ZMYND15: variants seen among roughly 807,000 people sequenced by gnomAD.
The protein encoded by ZMYND15 is zinc finger MYND domain-containing protein 15.
ZMYND15 carries 54 observed loss-of-function variants against 81.7 expected under a neutral mutation model. The ratio of observed to expected loss-of-function variants is 0.66; its 90% CI spans 0.53 to 0.83. The LOEUF is 0.83. ZMYND15 is among the 40% of genes least tolerant of loss of function. The pLI is 0.00. For missense variants in ZMYND15, 925 were observed against 973.5 expected (o/e 0.95, Z 0.66); for synonymous variants, 399 against 387.0 (o/e 1.03, Z -0.36).
At position 4,744,387 on chromosome 17, in the gene ZMYND15, C is replaced by A. The variant is rs1916571563; in HGVS notation, c.1603C>A (p.Pro535Thr). ...CCTTCAGGAGCTTTTGGTCCTGCTC[C>A]CCCATGTGGCCCTGGAGCTGCAGTT... is the stretch of plus-strand genomic sequence containing the variant. ...MVFWELLVLL[P>T]HVALELQFVG... is the part of the protein sequence containing the mutation. The change falls in exon 10 of 14, where the codon CCC (proline) becomes ACC (threonine). Residue 535 changes from proline to threonine, a missense_variant. By Grantham distance (38) the Pro-to-Thr change is conservative (BLOSUM62 -1). Coordinates refer to ENST00000433935, the MANE Select transcript of ZMYND15 (RefSeq NM_001136046.3). This position sits in a 1 kb window ranked among gnomAD's most constrained non-coding sequence, Gnocchi z 4.1. The A allele has an allele frequency of 3.7e-5, 59 of 1,614,012 alleles. No homozygotes were observed. Among genetic ancestry groups the A allele is most frequent in the Non-Finnish European group, 4.8e-5 (57 of 1,180,030 alleles).
In ZMYND15 at chr17:4,741,669, C is replaced by A. The variant is rs769302348; in HGVS notation, c.680C>A (p.Ala227Asp). Residue 227 changes from alanine (A) to aspartate (D), a missense_variant, in exon 3 of 14, where the codon GCC (alanine) becomes GAC (aspartate). By Grantham distance (126) the Ala-to-Asp change is moderately radical. Transcript: ENST00000433935. ...GGCATTGATCTGCTAGTGGATGGAG[C>A]CCAGGGAACCGCAAGCTGGGGCTCA... ...ILGIDLLVDG[A>D]QGTASWGSGT... 1.2e-5 allele frequency: 19 copies of A among 1,613,992 alleles called. No homozygotes were observed. The highest frequency in any genetic ancestry group is 1.6e-5 in the Non-Finnish European group (19 of 1,180,020).
intron 5 of ZMYND15, among the ~76,000 whole-genome samples, chr17:4,742,918 C>T (rs1916489584): frequency 6.6e-6 from 1 of 152,128 alleles, no homozygotes; most frequent in Non-Finnish European, 1.5e-5. Context: ...CTGACTGGAA[C>T]CAGACTTAGA....
In ZMYND15 at chr17:4,743,619, A is replaced by G; in HGVS notation, c.1298-148A>G. On this transcript the variant is annotated intron_variant, in intron 6 of 13. Coordinates refer to ENST00000433935, the MANE Select transcript of ZMYND15 (RefSeq NM_001136046.3). The surrounding 1 kb of genome is among the most constrained non-coding windows in gnomAD (Gnocchi z 4.3). ...GCCCTCAATGGAATCACCCCTACCA[A>G]CTCCACCCAGAAACCCCATCCCTAT... is the stretch of plus-strand genomic sequence containing the variant. 1 of 1,284,194 alleles carries G rather than the reference A, an allele frequency of 7.8e-7. No homozygotes were observed. The highest frequency in any genetic ancestry group is 1.5e-5 in the African/African-American group (1 of 66,512). 79.5% of individuals were successfully genotyped at this position (1,284,194 alleles called of 1,614,324 possible).
chr17:4,742,691 C>T (rs1916480760), intron 5 of ZMYND15, among the ~76,000 whole-genome samples, 200 bp downstream of exon 5: 2 of 152,042 alleles, frequency 1.3e-5, no homozygotes, highest in Non-Finnish European at 2.9e-5. Context: ...TGTCTGGGTC[C>T]CTGAGAGCGT....
At chr17:4,741,536 G>A (rs1418212194) in intron 2 of ZMYND15, 46 bp from the exon 3 acceptor site, 1 of 1,606,334 alleles carries the variant, frequency 6.2e-7, no homozygotes, top group Non-Finnish European at 8.5e-7. Flanking sequence ...GACCACATTT[G>A]TCTCTCGCTG....
rs776336243 is a variant in ZMYND15, at chr17:4,744,950, G to A, written c.1896+22G>A. The A allele has an allele frequency of 7.4e-6, 12 of 1,613,974 alleles. No individual in the cohort carries two copies. In the South Asian group the frequency reaches 1.3e-4, roughly 18 times the overall value. ...ACAGGTGGGCAATGGGGGCAAAAGG[G>A]AACTTCTCTCCCCTCCTGCCTGGCC... is the stretch of plus-strand genomic sequence containing the variant. On this transcript the variant is annotated intron_variant, in intron 12 of 13. Coordinates refer to ENST00000433935, the MANE Select transcript of ZMYND15 (RefSeq NM_001136046.3). The surrounding 1 kb of genome is among the most constrained non-coding windows in gnomAD (Gnocchi z 4.1).
chr17:4,742,194 A>C, intron 4 of ZMYND15, 124 bp downstream of exon 4: 1 of 1,540,782 alleles, frequency 6.5e-7, no homozygotes, highest in East Asian at 2.3e-5. Flanking sequence ...CAGAGGAAAC[A>C]ATACAGACTG....
At position 4,744,976 on chromosome 17, in the gene ZMYND15, C is replaced by A. The variant is rs755544372; in HGVS notation, c.1896+48C>A. 55 of 1,610,382 alleles carry A rather than the reference C, an allele frequency of 3.4e-5. No homozygotes were observed. The South Asian group carries it at 5.3e-4, about 15-fold the overall frequency. ...AACTTCTCTCCCCTCCTGCCTGGCC[C>A]CTCCCCATCTCCTTTTCTGAAAGTC... On this transcript the variant is annotated intron_variant, in intron 12 of 13. Coordinates refer to ENST00000433935, the MANE Select transcript of ZMYND15 (RefSeq NM_001136046.3). The surrounding 1 kb of genome is among the most constrained non-coding windows in gnomAD (Gnocchi z 4.1).
rs1187352298 is a variant in ZMYND15 at position 4,744,039 on chromosome 17, C to T, written c.1427C>T (p.Pro476Leu). 1 of 1,553,792 alleles carries T rather than the reference C, an allele frequency of 6.4e-7. No individual in the cohort carries two copies. The highest frequency in any genetic ancestry group is 8.7e-7 in the Non-Finnish European group (1 of 1,147,904). The change falls in exon 8 of 14, where the codon CCC becomes CTC. Residue 476 changes from proline to leucine, a missense_variant. By Grantham distance (98) the Pro-to-Leu change is moderately conservative (BLOSUM62 -3). Coordinates refer to ENST00000433935, the MANE Select transcript of ZMYND15 (RefSeq NM_001136046.3). The surrounding 1 kb of genome is among the most constrained non-coding windows in gnomAD (Gnocchi z 4.1). The part of the protein sequence containing the change: ...YTWRGLSLDS[P>L]IAVLLTYPLT... ...TGGCGGGGCCTCAGCTTGGACTCCC[C>T]CATAGCCGTGCTTCTCACCTACCCG...
At position 4,741,967 on chromosome 17, in the gene ZMYND15, A is replaced by C; in HGVS notation, c.880A>C (p.Met294Leu). The C allele has an allele frequency of 1.2e-6, 2 of 1,614,108 alleles. No individual in the cohort carries two copies. The highest frequency in any genetic ancestry group is 1.7e-6 in the Non-Finnish European group (2 of 1,180,006). Residue 294 changes from methionine (M) to leucine (L), a missense_variant, in exon 4 of 14, where the codon ATG becomes CTG. Transcript: ENST00000433935. ...AGGTGTGAAGTTAGCCAAAACCCCA[A>C]TGCGGACATGGGGTCCCCGGCCAGG... is the stretch of plus-strand genomic sequence containing the variant. Reference protein sequence around the residue: ...RLGVKLAKTPMRTWGPRPGFT... With the variant: ...RLGVKLAKTPLRTWGPRPGFT...
Position 4,744,685 on chromosome 17 carries a change from A to T in ZMYND15, c.1744A>T (p.Thr582Ser). The T allele has an allele frequency of 6.2e-7, 1 of 1,613,956 alleles. No individual in the cohort carries two copies. The highest frequency in any genetic ancestry group is 2.2e-5 in the East Asian group (1 of 44,862). The change falls in exon 11 of 14, where the codon ACT (threonine) becomes TCT (serine). Residue 582 changes from threonine (T) to serine (S), a missense_variant. Physicochemically the swap from Thr to Ser is moderately conservative, Grantham distance 58. Coordinates refer to ENST00000433935, the MANE Select transcript of ZMYND15 (RefSeq NM_001136046.3). This position sits in a 1 kb window ranked among gnomAD's most constrained non-coding sequence, Gnocchi z 4.1. ...SGISARPSSGTKEKGGRRDLQ... is the reference protein window; with the variant it reads ...SGISARPSSGSKEKGGRRDLQ... ...CATATCAGCACGGCCCAGCTCTGGCACTAAGGAGAAAGGGGGCCGCAGGGA... is the reference window on the plus strand; with the variant it reads ...CATATCAGCACGGCCCAGCTCTGGCTCTAAGGAGAAAGGGGGCCGCAGGGA...
chr17:4,742,394 C>A lies in ZMYND15; in HGVS notation c.1047C>A (p.Cys349Ter). Residue 349 changes from cysteine to a stop codon, truncating the protein, a stop_gained, in exon 5 of 14, where the codon TGC (cysteine) becomes TGA (stop). Transcript: ENST00000433935. LOFTEE classifies it high-confidence loss of function. Reference sequence around the variant, plus strand: ...GTCTCCGGGCTGACTGGCAGCGGTGCCCAGATGATGTGAGTCACCGATTTT... The same window carrying A: ...GTCTCCGGGCTGACTGGCAGCGGTGACCAGATGATGTGAGTCACCGATTTT... Reference protein sequence around the residue: ...EACLRADWQRCPDDVSHRFWC... With the variant: ...EACLRADWQR 1 of 1,614,118 alleles carries A rather than the reference C, an allele frequency of 6.2e-7. No individual in the cohort carries two copies. Among genetic ancestry groups the A allele is most frequent in the Non-Finnish European group, 8.5e-7 (1 of 1,180,018 alleles).
In ZMYND15 at chr17:4,745,642, A is replaced by G. The variant is rs547627772; in HGVS notation, c.2058-177A>G. ...CGACCCTCCAACAGACCCAACCCTG[A>G]GTCTAGCCCCACGCCCTGGAACTCA... is the stretch of plus-strand genomic sequence containing the variant. On this transcript the variant is annotated intron_variant, in intron 13 of 13. Coordinates refer to ENST00000433935, the MANE Select transcript of ZMYND15 (RefSeq NM_001136046.3). The surrounding 1 kb of genome is among the most constrained non-coding windows in gnomAD (Gnocchi z 5.2). Among the ~76,000 whole-genome samples, 7 of 151,382 alleles carry G rather than the reference A, an allele frequency of 4.6e-5. No individual in the cohort carries two copies. The highest frequency in any genetic ancestry group is 1.7e-4 in the African/African-American group (7 of 40,950).
chr17:4,745,144 C>A lies in ZMYND15; in HGVS notation c.1897-71C>A, dbSNP rs932061587. On this transcript the variant is annotated intron_variant, in intron 12 of 13. Transcript: ENST00000433935. The surrounding 1 kb of genome is among the most constrained non-coding windows in gnomAD (Gnocchi z 5.2). ...TGTCCGGGGACCTCGGCTTTCAGCC[C>A]GGTCTGTCATTCTGGCTGCTGGGAT... 6.2e-7 allele frequency: 1 copy of A among 1,609,990 alleles called. No homozygotes were observed. Among genetic ancestry groups the A allele is most frequent in the Non-Finnish European group, 8.5e-7 (1 of 1,177,856 alleles).
chr17:4,741,391 G>A (rs893900645), intron 2 of ZMYND15, among the ~76,000 whole-genome samples, 191 bp from the exon 3 acceptor site: 1 of 151,964 alleles, frequency 6.6e-6, no homozygotes, highest in Middle Eastern at 3.2e-3. Context: ...CTACATTTCT[G>A]CATGGCAGCG....
Position 4,746,070 on chromosome 17 carries a change from G to C in ZMYND15, c.*80G>C, listed in dbSNP as rs1170630143. ...ACACTCAAGGCCTAGGGGGAGGACAGGTTGGTAAAACATGAAAAGGTAAAT... is the reference window on the plus strand; with the variant it reads ...ACACTCAAGGCCTAGGGGGAGGACACGTTGGTAAAACATGAAAAGGTAAAT... On this transcript the variant is annotated 3_prime_UTR_variant, in exon 14 of 14. Coordinates refer to ENST00000433935, the MANE Select transcript of ZMYND15 (RefSeq NM_001136046.3). 2.0e-5 allele frequency: 26 copies of C among 1,310,126 alleles called. No homozygotes were observed. The East Asian group carries it at 6.9e-4, about 35-fold the overall frequency. The allele number at this position is 1,310,126 out of a possible 1,614,324, so 81.2% of individuals were successfully genotyped here.
rs944411172 is a variant in ZMYND15, at chr17:4,741,525, T to C, written c.593-57T>C. On this transcript the variant is annotated intron_variant, in intron 2 of 13. Transcript: ENST00000433935. ...TATTTGAGTTTGGTACTCCTGACCC[T>C]GACCACATTTGTCTCTCGCTGCCCC... The C allele has an allele frequency of 8.8e-6, 14 of 1,596,456 alleles. No homozygotes were observed. In the Admixed American group the frequency reaches 1.8e-4, roughly 21 times the overall value.
At position 4,745,069 on chromosome 17, in the gene ZMYND15, CCTCTCTCTGTGTCTGT is replaced by C; in HGVS notation, c.1897-142_1897-127del. On this transcript the variant is annotated intron_variant, in intron 12 of 13. Transcript: ENST00000433935. This position sits in a 1 kb window ranked among gnomAD's most constrained non-coding sequence, Gnocchi z 5.2. The stretch of plus-strand genomic sequence containing the variant: ...TGGGGAGTGCCCACGGGTCCCCCTG[CCTCTCTCTGTGTCTGT>C]CTCCGTCCTCCCCCTGCTCCCCTCC... 2.0e-6 allele frequency: 3 copies of C among 1,536,212 alleles called. No homozygotes were observed. The highest frequency in any genetic ancestry group is 2.7e-6 in the Non-Finnish European group (3 of 1,118,102).
intron 2 of ZMYND15, 36 bp downstream of exon 2, chr17:4,741,176 C>G: frequency 7.1e-7 from 1 of 1,399,800 alleles, no homozygotes; most frequent in East Asian, 2.7e-5. Flanking sequence ...CTACCCCTTG[C>G]CCAGCCATCC....
Sources: gnomAD v4.1 joint callset for allele counts (sites outside exome capture counted in the v4.1 genomes callset) on GRCh38, gnomAD v4.1.1 for gene constraint, Gnocchi (gnomAD v3.1) non-coding constraint, MANE v1.5 for transcripts, NCBI Gene and HGNC (gene_info 2026-07-23, HGNC 2026-07-21) for gene names.